GALNTL6: variants seen among roughly 807,000 people sequenced by gnomAD.
GALNTL6 encodes polypeptide N-acetylgalactosaminyltransferase-like 6.
Under a neutral mutation model 73.7 loss-of-function variants are expected in GALNTL6, and 46 were observed. The observed-to-expected ratio is 0.62, with a 90% CI of 0.49 to 0.80. The LOEUF is 0.80. Among genes scored for constraint, GALNTL6 ranks in the 30% least tolerant of loss-of-function variants. The pLI is 0.00. For missense variants in GALNTL6, 604 were observed against 755.0 expected (o/e 0.80, Z 2.34); for synonymous variants, 259 against 263.7 (o/e 0.98, Z 0.17).
At chr4:171,897,690 G>A (rs1736965664) in intron 2 of GALNTL6, among the ~76,000 whole-genome samples, 1 of 151,268 alleles carries the variant, frequency 6.6e-6, no homozygotes, top group Non-Finnish European at 1.5e-5. Context: ...TCACTCTGTC[G>A]CCCAGGCTGG....
rs142094318 is a variant in GALNTL6, at chr4:173,031,994, T to G, written c.1639-7939T>G. On this transcript the variant is annotated intron_variant, in intron 12 of 12. Coordinates refer to ENST00000506823, the MANE Select transcript of GALNTL6 (RefSeq NM_001034845.3). ...CTTTTTAGATAGGTAAAGAAAGTGATGGAGAAAAAGACCACAGACATCTGG... is the reference window on the plus strand; with the variant it reads ...CTTTTTAGATAGGTAAAGAAAGTGAGGGAGAAAAAGACCACAGACATCTGG... Among the ~76,000 whole-genome samples the G allele has an allele frequency of 3.7e-3, 571 of 152,278 alleles. 2 individuals are homozygous for G. Among genetic ancestry groups the G allele is most frequent in the Non-Finnish European group, 6.8e-3 (462 of 68,026 alleles).
intron 2 of GALNTL6, among the ~76,000 whole-genome samples, chr4:172,037,652 T>G (rs1741968393): frequency 6.6e-6 from 1 of 152,188 alleles, no homozygotes; most frequent in Non-Finnish European, 1.5e-5. Flanking sequence ...TTTTATCCTC[T>G]AGACTTTCAA....
chr4:172,880,523 A>G (rs933380523), intron 7 of GALNTL6, among the ~76,000 whole-genome samples: 8 of 152,120 alleles, frequency 5.3e-5, no homozygotes, highest in Admixed American at 4.6e-4. Flanking sequence ...AAGAGATTAC[A>G]AAGAGACATG....
At chr4:172,442,847 G>A (rs1049906817) in intron 5 of GALNTL6, among the ~76,000 whole-genome samples, 5 of 151,674 alleles carry the variant, frequency 3.3e-5, no homozygotes, top group Admixed American at 6.6e-5. Context: ...AATAACATAC[G>A]TATTTTTAAT....
chr4:172,070,763 A>G (rs1170336011), intron 2 of GALNTL6, among the ~76,000 whole-genome samples: 1 of 110,584 alleles, frequency 9.0e-6, no homozygotes, highest in African/African-American at 3.4e-5. Context: ...CTGTTAATTC[A>G]TGTTCTAGAA....
intron 2 of GALNTL6, among the ~76,000 whole-genome samples, chr4:172,021,317 G>A (rs1190532572): frequency 2.0e-5 from 3 of 151,828 alleles, no homozygotes; most frequent in East Asian, 1.9e-4. Flanking sequence ...AAGGACATCC[G>A]AATTTGAAAG....
At chr4:171,852,596 G>T (rs928114301) in intron 2 of GALNTL6, among the ~76,000 whole-genome samples, 1 of 151,536 alleles carries the variant, frequency 6.6e-6, no homozygotes, top group African/African-American at 2.4e-5. Context: ...TAGAAAAGAG[G>T]CACTGTAAAA....
At chr4:172,264,672 GTA>G (rs367691080) in intron 3 of GALNTL6, among the ~76,000 whole-genome samples, 7 of 142,978 alleles carry the variant, frequency 4.9e-5, no homozygotes, top group Admixed American at 1.4e-4. Flanking sequence ...GTATGTATGT[GTA>G]TATATATATA....
intron 3 of GALNTL6, among the ~76,000 whole-genome samples, chr4:172,286,334 G>A (rs1739248210): frequency 6.6e-6 from 1 of 152,164 alleles, no homozygotes; most frequent in Non-Finnish European, 1.5e-5. Flanking sequence ...CATGTGTGAT[G>A]ATGTTGTGGG....
intron 5 of GALNTL6, among the ~76,000 whole-genome samples, chr4:172,755,496 A>G (rs974023348): frequency 2.6e-5 from 4 of 152,184 alleles, no homozygotes; most frequent in Non-Finnish European, 5.9e-5. Context: ...TCTCCTAAAG[A>G]AACAATATTA....
chr4:172,729,508 A>C (rs1560910190), intron 5 of GALNTL6, among the ~76,000 whole-genome samples: 1 of 152,044 alleles, frequency 6.6e-6, no homozygotes, highest in Non-Finnish European at 1.5e-5. Context: ...CCTCATTGTA[A>C]GTTTTTGGTG....
intron 5 of GALNTL6, among the ~76,000 whole-genome samples, chr4:172,473,466 C>T (rs970565592): frequency 1.3e-5 from 2 of 152,168 alleles, no homozygotes; most frequent in African/African-American, 4.8e-5. Context: ...TGGTATCACT[C>T]CACTGAAACT....
chr4:172,573,159 T>C (rs976145993), intron 5 of GALNTL6, among the ~76,000 whole-genome samples: 5 of 152,166 alleles, frequency 3.3e-5, no homozygotes, highest in South Asian at 2.1e-4. Context: ...CAATAAAATA[T>C]AAAAACAATT....
chr4:172,635,836 T>C (rs1739648715), intron 5 of GALNTL6, among the ~76,000 whole-genome samples: 1 of 152,222 alleles, frequency 6.6e-6, no homozygotes, highest in Non-Finnish European at 1.5e-5. Flanking sequence ...ACATTGAACT[T>C]AAATTATTCA....
rs190035794 is a variant in GALNTL6, at chr4:172,797,735, C to T, written c.554-11626C>T. ...TGTATTTTTAGTAGAGACAGGGTTT[C>T]GCCAAGTTGGCCAGGTAGATCTCGA... On this transcript the variant is annotated intron_variant, in intron 5 of 12. Transcript: ENST00000506823. Among the ~76,000 whole-genome samples, 331 of 152,178 alleles carry T rather than the reference C, an allele frequency of 2.2e-3. 1 individual carries two copies. Among genetic ancestry groups the T allele is most frequent in the Non-Finnish European group, 3.6e-3 (243 of 68,000 alleles).
intron 2 of GALNTL6, among the ~76,000 whole-genome samples, chr4:171,921,698 C>A (rs540722849): frequency 1.3e-5 from 2 of 152,142 alleles, no homozygotes; most frequent in Admixed American, 6.5e-5. Flanking sequence ...TCTTCAATTT[C>A]TAATTTTATT....
intron 9 of GALNTL6, among the ~76,000 whole-genome samples, chr4:172,948,306 T>C (rs1257481207): frequency 6.6e-6 from 1 of 152,204 alleles, no homozygotes; most frequent in Non-Finnish European, 1.5e-5. Flanking sequence ...GTTGTTTCTG[T>C]TTTACCATCT....
At chr4:171,883,281 G>A (rs1736506162) in intron 2 of GALNTL6, among the ~76,000 whole-genome samples, 1 of 152,112 alleles carries the variant, frequency 6.6e-6, no homozygotes, top group South Asian at 2.1e-4. Flanking sequence ...GAACCTGGGA[G>A]GAGGAGGTTG....
chr4:172,666,537 G>T (rs1194508925), intron 5 of GALNTL6, among the ~76,000 whole-genome samples: 1 of 152,242 alleles, frequency 6.6e-6, no homozygotes, highest in Middle Eastern at 3.4e-3. Context: ...CTGTGAGGAC[G>T]TCTGCCCAGC....
Sources: allele counts gnomAD v4.1 joint callset (sites outside exome capture counted in the v4.1 genomes callset), GRCh38; gene constraint gnomAD v4.1.1; transcripts MANE v1.5; gene names NCBI Gene and HGNC (gene_info 2026-07-23, HGNC 2026-07-21).